The following PRKACB variants were observed in gnomAD, a reference collection of about 807,000 sequenced individuals.
The protein encoded by PRKACB is protein kinase cAMP-activated catalytic subunit beta.
Under a neutral mutation model 51.4 loss-of-function variants are expected in PRKACB, and 16 were observed. The observed-to-expected ratio is 0.31, with a 90% CI of 0.21 to 0.47. The LOEUF is 0.47. Ranked by LOEUF, PRKACB falls within the 20% of genes least tolerant of loss-of-function variation. The pLI is 1.00. For synonymous variants in PRKACB, 147 were observed against 154.4 expected (o/e 0.95, Z 0.35); for missense variants, 309 against 464.5 (o/e 0.67, Z 3.08).
chr1:84,182,228 G>A lies in PRKACB; in HGVS notation c.278G>A (p.Arg93Lys), dbSNP rs1264089646. The A allele has an allele frequency of 3.2e-6, 5 of 1,583,892 alleles. No individual in the cohort carries two copies. The highest frequency in any genetic ancestry group is 2.6e-6 in the Non-Finnish European group (3 of 1,162,962). ...QNNAGLEDFERKKTLGTGSFG... is the reference protein window; with the variant it reads ...QNNAGLEDFEKKKTLGTGSFG... ...AATGCCGGACTTGAAGATTTTGAAAGGAAAAAAACCCTTGGAACAGGTTCA... is the reference window on the plus strand; with the variant it reads ...AATGCCGGACTTGAAGATTTTGAAAAGAAAAAAACCCTTGGAACAGGTTCA... Residue 93 changes from arginine (R) to lysine (K), a missense_variant, in exon 3 of 10, where the codon AGG (arginine) becomes AAG (lysine). Physicochemically the swap from Arg to Lys is conservative, Grantham distance 26 (BLOSUM62 2). This residue lies in a region of PRKACB where 153 missense variants were observed against 190.2 expected (regional missense o/e 0.80). Transcript: ENST00000370685.
intron 1 of PRKACB, among the ~76,000 whole-genome samples, chr1:84,173,964 A>G (rs895431860): frequency 6.6e-6 from 1 of 151,818 alleles, no homozygotes; most frequent in Non-Finnish European, 1.5e-5. Flanking sequence ...TGAGACGTCT[A>G]ATCCTCATCA....
chr1:84,177,748 A>T (rs1407262217), intron 1 of PRKACB, among the ~76,000 whole-genome samples: 1 of 152,080 alleles, frequency 6.6e-6, no homozygotes, highest in Non-Finnish European at 1.5e-5. Flanking sequence ...TCTTAAAAAA[A>T]GTAATAGAAA....
intron 5 of PRKACB, among the ~76,000 whole-genome samples, chr1:84,186,994 T>A (rs1247182250): frequency 6.6e-6 from 1 of 152,168 alleles, no homozygotes; most frequent in Non-Finnish European, 1.5e-5. Context: ...TTACAAATGA[T>A]AGTACAAAAA....
chr1:84,223,194 G>A (rs1024900833), intron 9 of PRKACB, among the ~76,000 whole-genome samples: 1 of 151,910 alleles, frequency 6.6e-6, no homozygotes, highest in African/African-American at 2.4e-5. Context: ...TGTATGCTTT[G>A]TTCATTAATT....
Position 84,170,029 on chromosome 1 carries a change from G to A in PRKACB, c.188-9148G>A, listed in dbSNP as rs576842574. ...AACTGTAACAAGTGCCCCTTTAAAT[G>A]AATACCTGAATTTACCCTTTAAGTG... On this transcript the variant is annotated intron_variant, in intron 1 of 9. Coordinates refer to ENST00000370685, the MANE Select transcript of PRKACB (RefSeq NM_182948.4). Among the ~76,000 whole-genome samples, 5 of 151,664 alleles carry A rather than the reference G, an allele frequency of 3.3e-5. No individual in the cohort carries two copies. The Admixed American group carries it at 3.3e-4, about 10-fold the overall frequency.
intron 3 of PRKACB, 68 bp downstream of exon 3, chr1:84,182,396 A>G: frequency 8.1e-7 from 1 of 1,239,134 alleles, no homozygotes; most frequent in Non-Finnish European, 1.1e-6. Context: ...TATTAAACAG[A>G]TTCAGTATAA....
At chr1:84,089,946 A>G (rs946282252) in intron 1 of PRKACB, among the ~76,000 whole-genome samples, 1 of 152,178 alleles carries the variant, frequency 6.6e-6, no homozygotes, top group African/African-American at 2.4e-5. Flanking sequence ...TCCTTTGCAC[A>G]TCTGCCTCTT....
At chr1:84,078,168 C>T (rs1448375830) in exon 1 of PRKACB, 11 of 756,122 alleles carry the variant, frequency 1.5e-5, no homozygotes, top group Non-Finnish European at 2.0e-5. Flanking sequence ...TTTCCTCAGA[C>T]CCGGCCCGGT....
At chr1:84,225,058 G>A (rs1374553144) in intron 9 of PRKACB, among the ~76,000 whole-genome samples, 1 of 152,198 alleles carries the variant, frequency 6.6e-6, no homozygotes, top group Admixed American at 6.5e-5. Context: ...GGCCTCCCAG[G>A]TGGTGTGCTA....
At chr1:84,116,796 G>A (rs1650673909) in intron 1 of PRKACB, among the ~76,000 whole-genome samples, 1 of 152,012 alleles carries the variant, frequency 6.6e-6, no homozygotes, top group Non-Finnish European at 1.5e-5. Context: ...CTCCAATTTC[G>A]ATGCCTTTTA....
upstream of PRKACB, among the ~76,000 whole-genome samples, chr1:84,139,283 A>G (rs1362974765): frequency 6.6e-6 from 1 of 152,194 alleles, no homozygotes; most frequent in Non-Finnish European, 1.5e-5. Flanking sequence ...GAAAATTGCA[A>G]GAAATCTATA....
At chr1:84,175,815 C>T (rs1304963520) in intron 1 of PRKACB, 3 of 1,561,520 alleles carry the variant, frequency 1.9e-6, no homozygotes, top group Non-Finnish European at 2.6e-6. Context: ...TTGGTATGCT[C>T]ATTTCCTTTA....
At chr1:84,085,766 G>A (rs1647924951) in intron 1 of PRKACB, 1 of 316,390 alleles carries the variant, frequency 3.2e-6, no homozygotes, top group Admixed American at 4.5e-5. Flanking sequence ...TTCCTGAGGA[G>A]GTTCCTGGCC....
chr1:84,228,324 G>A (rs1212525669), intron 9 of PRKACB, among the ~76,000 whole-genome samples: 1 of 152,206 alleles, frequency 6.6e-6, no homozygotes, highest in Non-Finnish European at 1.5e-5. Flanking sequence ...CTCTGGGCCA[G>A]AAGTGGAGAA....
intron 1 of PRKACB, among the ~76,000 whole-genome samples, chr1:84,163,515 C>T (rs1656545726): frequency 6.6e-6 from 1 of 151,982 alleles, no homozygotes. Flanking sequence ...ATGTCAGCCC[C>T]TTCCAGAAGT....
chr1:84,140,400 A>G (rs538187653), upstream of PRKACB, among the ~76,000 whole-genome samples: 4 of 152,324 alleles, frequency 2.6e-5, no homozygotes, highest in South Asian at 4.1e-4. Flanking sequence ...AAAATGTTGC[A>G]TAGTCTATAA....
intron 1 of PRKACB, among the ~76,000 whole-genome samples, chr1:84,171,548 T>G (rs1659470694): frequency 6.6e-6 from 1 of 151,658 alleles, no homozygotes; most frequent in South Asian, 2.1e-4. Context: ...AAAATACTCT[T>G]AAATGCATTT....
chr1:84,206,532 C>T (rs951572290), intron 8 of PRKACB, among the ~76,000 whole-genome samples: 1 of 152,126 alleles, frequency 6.6e-6, no homozygotes, highest in Admixed American at 6.6e-5. Flanking sequence ...AGAGTCCTCT[C>T]CCAGGGCATT....
chr1:84,214,249 G>T lies in PRKACB; in HGVS notation c.1003G>T (p.Gly335Cys). The change falls in exon 9 of 10, where the codon GGT (glycine) becomes TGT (cysteine). Residue 335 changes from glycine (G) to cysteine (C), a missense_variant. By Grantham distance (159) the Gly-to-Cys change is radical (BLOSUM62 -3). Transcript: ENST00000370685. ...CAAGAGATTTGGAAATCTAAAGAAT[G>T]GTGTCAGTGATATAAAAACTCACAA... ...LTKRFGNLKNGVSDIKTHKWF... is the reference protein window; with the variant it reads ...LTKRFGNLKNCVSDIKTHKWF... The T allele has an allele frequency of 6.2e-7, 1 of 1,613,466 alleles. No individual in the cohort carries two copies. The highest frequency in any genetic ancestry group is 8.5e-7 in the Non-Finnish European group (1 of 1,179,744).
Sources: gnomAD v4.1 joint callset for allele counts (sites outside exome capture counted in the v4.1 genomes callset) on GRCh38, gnomAD v4.1.1 for gene constraint, gnomAD v4.1.1 regional missense constraint, MANE v1.5 for transcripts, NCBI Gene and HGNC (gene_info 2026-07-23, HGNC 2026-07-21) for gene names.